The following CMIP variants were observed in gnomAD, a reference collection of about 807,000 sequenced individuals.
CMIP encodes the protein C-Maf-inducing protein.
Under a neutral mutation model 97.3 loss-of-function variants are expected in CMIP, and 13 were observed. The ratio of observed to expected loss-of-function variants is 0.13; its 90% confidence interval spans 0.09 to 0.21. CMIP has a LOEUF of 0.21. CMIP is among the 10% of genes least tolerant of loss of function. The pLI is 1.00. For synonymous variants in CMIP, 538 were observed against 436.3 expected (o/e 1.23, Z -2.91); for missense variants, 847 against 1,024.9 (o/e 0.83, Z 2.37).
At chr16:81,698,598 T>C (rs58862198) in intron 14 of CMIP, among the ~76,000 whole-genome samples, 3,275 of 152,284 alleles carry the variant, frequency 0.022, 120 homozygotes, top group African/African-American at 0.074. Flanking sequence ...GGGGCTTTTT[T>C]GTTTTTGGCA....
At chr16:81,597,593 C>CA (rs1375874137) in intron 1 of CMIP, among the ~76,000 whole-genome samples, 1 of 54,164 alleles carries the variant, frequency 1.8e-5, no homozygotes, top group African/African-American at 5.4e-5. Flanking sequence ...GCGAGGGGAG[C>CA]GGGGGGGGGG....
At chr16:81,708,464 A>T (rs1297399551) in intron 20 of CMIP, among the ~76,000 whole-genome samples, 1 of 152,260 alleles carries the variant, frequency 6.6e-6, no homozygotes, top group Non-Finnish European at 1.5e-5. Flanking sequence ...TGGAAAGAGA[A>T]CATGGGGAGT....
intron 18 of CMIP, among the ~76,000 whole-genome samples, chr16:81,704,760 C>T (rs551760884): frequency 7.0e-6 from 1 of 143,014 alleles, no homozygotes; most frequent in East Asian, 2.1e-4. Flanking sequence ...CCTGCCTACA[C>T]CCCAGGCATT....
At chr16:81,605,225 C>T (rs900787625) in intron 1 of CMIP, among the ~76,000 whole-genome samples, 7 of 152,176 alleles carry the variant, frequency 4.6e-5, no homozygotes, top group Non-Finnish European at 8.8e-5. Flanking sequence ...GGCAGGCCCA[C>T]GAGTGTGACT....
intron 1 of CMIP, among the ~76,000 whole-genome samples, chr16:81,580,357 T>C (rs16955585): frequency 0.08 from 12,195 of 152,258 alleles, 1,086 homozygotes; most frequent in African/African-American, 0.22. Flanking sequence ...GTCTTTCTAA[T>C]TGAGATAAAT....
chr16:81,594,060 TC>T (rs1473076370), intron 1 of CMIP, among the ~76,000 whole-genome samples: 1 of 46,628 alleles, frequency 2.1e-5, no homozygotes, highest in Admixed American at 2.6e-4. Context: ...CTCCTCCTCT[TC>T]CCCCTCCCCC....
chr16:81,690,086 C>T (rs559800740), intron 10 of CMIP, among the ~76,000 whole-genome samples: 1 of 152,192 alleles, frequency 6.6e-6, no homozygotes, highest in East Asian at 1.9e-4. Context: ...AGTCAGGTAG[C>T]GTGATGCCTC....
At chr16:81,666,403 A>T (rs2092603827) in intron 7 of CMIP, 1 of 152,222 alleles carries the variant, frequency 6.6e-6, no homozygotes, top group Non-Finnish European at 1.5e-5. Flanking sequence ...CTTTGAGGAC[A>T]TCTGACTTCA....
chr16:81,682,747 G>A (rs868364774), intron 10 of CMIP, among the ~76,000 whole-genome samples: 12 of 152,356 alleles, frequency 7.9e-5, no homozygotes, highest in African/African-American at 1.4e-4. Flanking sequence ...GTAGTGGGGC[G>A]CAGGCCCTGA....
chr16:81,600,817 A>T (rs886435075), intron 1 of CMIP, among the ~76,000 whole-genome samples: 1 of 152,200 alleles, frequency 6.6e-6, no homozygotes, highest in African/African-American at 2.4e-5. Flanking sequence ...AGCGCAAGCC[A>T]CTTTGAGCAC....
At chr16:81,533,243 A>G (rs957554026) in intron 1 of CMIP, among the ~76,000 whole-genome samples, 2 of 152,116 alleles carry the variant, frequency 1.3e-5, no homozygotes, top group East Asian at 1.9e-4. Flanking sequence ...TTTTTTCCCC[A>G]TGACTGTATC....
chr16:81,449,679 C>CT (rs1906090986), intron 1 of CMIP, among the ~76,000 whole-genome samples: 1 of 151,398 alleles, frequency 6.6e-6, no homozygotes, highest in African/African-American at 2.4e-5. Flanking sequence ...TCCCCCCCCC[C>CT]CTTTCCATGC....
At chr16:81,618,611 C>A (rs1442430738) in intron 2 of CMIP, 1 of 152,302 alleles carries the variant, frequency 6.6e-6, no homozygotes, top group East Asian at 1.9e-4. Context: ...CACCTGCCCA[C>A]CAGAGCTGAT....
At chr16:81,588,615 C>T (rs1269684141) in intron 1 of CMIP, among the ~76,000 whole-genome samples, 2 of 152,114 alleles carry the variant, frequency 1.3e-5, no homozygotes, top group Admixed American at 6.6e-5. Flanking sequence ...CCAACATCCT[C>T]GTTCTCTGTT....
intron 1 of CMIP, among the ~76,000 whole-genome samples, chr16:81,588,171 C>T (rs2091412681): frequency 6.6e-6 from 1 of 152,122 alleles, no homozygotes; most frequent in South Asian, 2.1e-4. Context: ...AGGGCTGGGC[C>T]GATCACCCCA....
rs574090617 is a variant in CMIP, at chr16:81,614,333, C to A, written c.427-6543C>A. 6.6e-6 allele frequency among the ~76,000 whole-genome samples: 1 copy of A among 152,316 alleles called. No homozygotes were observed. The highest frequency in any genetic ancestry group is 2.1e-4 in the South Asian group (1 of 4,832). On this transcript the variant is annotated intron_variant, in intron 2 of 20. Transcript: ENST00000537098. The surrounding 1 kb of genome is among the most constrained non-coding windows in gnomAD (Gnocchi z 5.3). Reference sequence around the variant, plus strand: ...GTTTCTAACTTGTGCTGTGTGTCCACCATGGGCCAGTGGGGGAAGGGAGTG... The same window carrying A: ...GTTTCTAACTTGTGCTGTGTGTCCAACATGGGCCAGTGGGGGAAGGGAGTG...
chr16:81,563,634 G>T (rs2090927174), intron 1 of CMIP, among the ~76,000 whole-genome samples: 1 of 152,208 alleles, frequency 6.6e-6, no homozygotes, highest in African/African-American at 2.4e-5. Context: ...TCCATATTGA[G>T]CATGATGCTG....
intron 1 of CMIP, among the ~76,000 whole-genome samples, chr16:81,603,960 GGAAAT>G (rs1431495306): frequency 1.3e-5 from 2 of 152,322 alleles, no homozygotes; most frequent in East Asian, 3.9e-4. Flanking sequence ...AACCAGTAGA[GGAAAT>G]GAACTCAGAG....
chr16:81,623,693 G>A (rs1341775463), intron 3 of CMIP, among the ~76,000 whole-genome samples: 1 of 152,196 alleles, frequency 6.6e-6, no homozygotes, highest in African/African-American at 2.4e-5. Context: ...AACGTAAGGT[G>A]TTTTGGAGGT....
Sources: gnomAD v4.1 joint callset for allele counts (sites outside exome capture counted in the v4.1 genomes callset) on GRCh38, gnomAD v4.1.1 for gene constraint, Gnocchi (gnomAD v3.1) non-coding constraint, MANE v1.5 for transcripts, NCBI Gene and HGNC (gene_info 2026-07-23, HGNC 2026-07-21) for gene names.